The following CPT1A variants were observed in gnomAD, a reference collection of about 807,000 sequenced individuals.
The protein encoded by CPT1A is carnitine O-palmitoyltransferase 1, liver isoform.
Under a neutral mutation model 100.8 loss-of-function variants are expected in CPT1A, and 64 were observed. That is an observed-to-expected ratio of 0.63 (90% CI 0.52 to 0.78). The LOEUF (loss-of-function observed/expected upper bound fraction) is 0.78, where lower values mean the gene tolerates loss of function less well. Ranked by LOEUF, CPT1A falls within the 30% of genes least tolerant of loss-of-function variation. The pLI, the probability that CPT1A is intolerant of heterozygous loss-of-function variation, is 0.00. For synonymous variants in CPT1A, 363 were observed against 396.0 expected, an observed-to-expected ratio of 0.92 and a Z score of 0.99; for missense variants, 802 against 1,034.1, an observed-to-expected ratio of 0.78 and a Z score of 3.08.
chr11:68,758,193 A>C (rs1946728838), intron 18 of CPT1A, among the ~76,000 whole-genome samples: 2 of 151,540 alleles, frequency 1.3e-5, no homozygotes, highest in Admixed American at 1.3e-4. Flanking sequence ...CCCTGAGCCC[A>C]GGAGGCTGAA....
chr11:68,839,778 C>T, intron 1 of CPT1A: 1 of 932,770 alleles, frequency 1.1e-6, no homozygotes, highest in Non-Finnish European at 1.3e-6. Flanking sequence ...GGCCCTCGTT[C>T]CAGGGCTCCC....
chr11:68,803,971 T>A (rs755192214), intron 5 of CPT1A, 29 bp downstream of exon 5: 1 of 1,545,026 alleles, frequency 6.5e-7, no homozygotes, highest in Non-Finnish European at 9.0e-7. Context: ...ATGGCTGGCA[T>A]TTCAGTGTGA....
chr11:68,778,887 G>A lies in CPT1A; in HGVS notation c.1458+1753C>T, dbSNP rs565857466. On this transcript the variant is annotated intron_variant, in intron 12 of 18. Transcript: ENST00000265641. ...TGCAAGCTCTGCCTCCCGGGTTCAC[G>A]CCATTCTCCTGCCTCAGCCTCCTGA... Among the ~76,000 whole-genome samples the A allele has an allele frequency of 1.3e-4, 19 of 151,432 alleles. No homozygotes were observed. The South Asian group carries it at 2.3e-3, about 18-fold the overall frequency.
Position 68,781,827 on chromosome 11 carries a change from C to G in CPT1A, c.1296G>C (p.Pro432=), listed in dbSNP as rs756320661. The change falls in exon 11 of 19, where the codon CCG becomes CCC. Residue 432 remains proline, a synonymous_variant. Coordinates refer to ENST00000265641, the MANE Select transcript of CPT1A (RefSeq NM_001876.4). ...TGGCGTAGCTGTCCATTGACGTATC[C>G]GGGTCTTCACTTCTGTATCCTTCTT... is the stretch of plus-strand genomic sequence containing the variant. ...ETEEGYRSED[P]DTSMDSYAKS... 6.8e-6 allele frequency: 11 copies of G among 1,614,002 alleles called. No homozygotes were observed. The Admixed American group carries it at 1.8e-4, about 27-fold the overall frequency.
chr11:68,826,092 C>A (rs1856718988), intron 1 of CPT1A, among the ~76,000 whole-genome samples: 1 of 152,180 alleles, frequency 6.6e-6, no homozygotes, highest in South Asian at 2.1e-4. Flanking sequence ...AGTAGAGGGC[C>A]CCAGACCAGA....
chr11:68,776,027 A>G (rs1855130482), intron 12 of CPT1A, among the ~76,000 whole-genome samples: 1 of 152,250 alleles, frequency 6.6e-6, no homozygotes. Flanking sequence ...CCATACAATG[A>G]GATATTATCC....
chr11:68,798,253 G>A (rs899096930), intron 6 of CPT1A, among the ~76,000 whole-genome samples: 1 of 152,212 alleles, frequency 6.6e-6, no homozygotes, highest in Non-Finnish European at 1.5e-5. Context: ...CGTACCTACA[G>A]AACAGTGCCC....
At chr11:68,842,026 G>A, upstream of CPT1A, 1 of 946,288 alleles carries the variant, frequency 1.1e-6, no homozygotes, top group Non-Finnish European at 1.3e-6. Context: ...GGAGGGGAGG[G>A]AAACTGAGGC....
intron 2 of CPT1A, among the ~76,000 whole-genome samples, chr11:68,813,182 T>G (rs1405403636): frequency 6.6e-6 from 1 of 151,924 alleles, no homozygotes; most frequent in Non-Finnish European, 1.5e-5. Flanking sequence ...TTAAAAAAAA[T>G]TCTTCCTAAA....
chr11:68,760,393 G>A, intron 16 of CPT1A, 55 bp from the exon 17 acceptor site: 1 of 1,417,872 alleles, frequency 7.1e-7, no homozygotes, highest in Non-Finnish European at 9.8e-7. Flanking sequence ...CGTCCCTCAG[G>A]AGTCGCTTTG....
At chr11:68,776,396 C>T (rs907229697) in intron 12 of CPT1A, among the ~76,000 whole-genome samples, 1 of 152,022 alleles carries the variant, frequency 6.6e-6, no homozygotes, top group Non-Finnish European at 1.5e-5. Flanking sequence ...AAGACCCTGT[C>T]TCTAGAAAAG....
chr11:68,830,844 G>A (rs746892065), intron 1 of CPT1A, among the ~76,000 whole-genome samples: 6 of 152,202 alleles, frequency 3.9e-5, no homozygotes, highest in Admixed American at 1.3e-4. Flanking sequence ...ATTTAGCAAT[G>A]TCACCTGCAC....
In CPT1A at chr11:68,775,443, T is replaced by C. The variant is rs1855118358; in HGVS notation, c.1459-11A>G. The C allele has an allele frequency of 6.3e-7, 1 of 1,592,512 alleles. No individual in the cohort carries two copies. Among genetic ancestry groups the C allele is most frequent in the East Asian group, 2.2e-5 (1 of 44,784 alleles). The stretch of plus-strand genomic sequence containing the variant: ...AATGGACATGACGTACTGTCAAAAA[T>C]AGAACAAAATTATTAAAACTAACAG... On this transcript the variant is annotated splice_polypyrimidine_tract_variant and intron_variant, in intron 12 of 18. Transcript: ENST00000265641.
intron 1 of CPT1A, among the ~76,000 whole-genome samples, chr11:68,838,547 A>T (rs1326387764): frequency 8.5e-6 from 1 of 117,692 alleles, no homozygotes; most frequent in African/African-American, 3.1e-5. Flanking sequence ...AGTGAGAAGG[A>T]CTCTACTCTG....
chr11:68,763,677 G>A (rs919619250), intron 14 of CPT1A, among the ~76,000 whole-genome samples: 2 of 152,176 alleles, frequency 1.3e-5, no homozygotes, highest in Non-Finnish European at 2.9e-5. Context: ...GGCCTGCTGA[G>A]GGCCAGGCTG....
At chr11:68,799,136 C>A in intron 6 of CPT1A, 82 bp downstream of exon 6, 1 of 1,317,826 alleles carries the variant, frequency 7.6e-7, no homozygotes. Context: ...ACTGTCATTT[C>A]AGCCCTGTTA....
chr11:68,839,855 C>CA (rs1373753971), intron 1 of CPT1A, among the ~76,000 whole-genome samples: 2 of 152,322 alleles, frequency 1.3e-5, no homozygotes, highest in East Asian at 1.9e-4. Context: ...GCAGCCGCAG[C>CA]AGTATCGGAA....
At position 68,841,631 on chromosome 11, in the gene CPT1A, C is replaced by G; in HGVS notation, c.-14+144G>C. 1.0e-5 allele frequency: 3 copies of G among 299,232 alleles called. No individual in the cohort carries two copies. The highest frequency in any genetic ancestry group is 1.5e-5 in the Non-Finnish European group (3 of 202,054). 18.5% of individuals were successfully genotyped at this position (299,232 alleles called of 1,614,324 possible). On this transcript the variant is annotated intron_variant, in intron 1 of 18. Coordinates refer to ENST00000265641, the MANE Select transcript of CPT1A (RefSeq NM_001876.4). The surrounding 1 kb of genome is among the most constrained non-coding windows in gnomAD (Gnocchi z 6.3). Reference sequence around the variant, plus strand: ...ACAACCCCGCCGTCCGGGGGGAATACCGGGGTTCCTCTCGGCGCCCCGGTT... The same window carrying G: ...ACAACCCCGCCGTCCGGGGGGAATAGCGGGGTTCCTCTCGGCGCCCCGGTT...
At chr11:68,817,967 G>A (rs1247862122) in intron 1 of CPT1A, among the ~76,000 whole-genome samples, 1 of 152,118 alleles carries the variant, frequency 6.6e-6, no homozygotes, top group African/African-American at 2.4e-5. Flanking sequence ...GGCAGCCGGT[G>A]GGAGGTGGCA....
Sources: gnomAD v4.1 joint callset for allele counts (sites outside exome capture counted in the v4.1 genomes callset) on GRCh38, gnomAD v4.1.1 for gene constraint, Gnocchi (gnomAD v3.1) non-coding constraint, MANE v1.5 for transcripts, NCBI Gene and HGNC (gene_info 2026-07-23, HGNC 2026-07-21) for gene names.